Variants in RARS1 observed in about 807,000 individuals in gnomAD.
RARS1 encodes arginyl-tRNA synthetase 1.
A neutral mutation model predicts 78.7 loss-of-function variants in RARS1; 75 were observed. The ratio of observed to expected loss-of-function variants is 0.95; its 90% CI spans 0.79 to 1.15. The LOEUF (loss-of-function observed/expected upper bound fraction) is 1.15, where lower values mean the gene tolerates loss of function less well. Among genes scored for constraint, RARS1 ranks in the 50% most tolerant of loss-of-function variants. The pLI, the probability that RARS1 is intolerant of heterozygous loss-of-function variation, is 0.00. For synonymous variants in RARS1, 273 were observed against 268.2 expected, an observed-to-expected ratio of 1.02 and a Z score of -0.18; for missense variants, 787 against 787.5, an observed-to-expected ratio of 1.00 and a Z score of 0.01.
intron 7 of RARS1, among the ~76,000 whole-genome samples, chr5:168,498,557 T>G (rs1758249141): frequency 6.6e-6 from 1 of 152,222 alleles, no homozygotes; most frequent in African/African-American, 2.4e-5. Flanking sequence ...ACTGCACATT[T>G]TGTTGGATCA....
intron 13 of RARS1, among the ~76,000 whole-genome samples, chr5:168,517,458 A>G (rs1005543891): frequency 6.6e-6 from 1 of 152,106 alleles, no homozygotes; most frequent in African/African-American, 2.4e-5. Context: ...TGTTCTTTTC[A>G]GACTTATTTT....
chr5:168,496,198 G>A (rs2152904037), intron 6 of RARS1, among the ~76,000 whole-genome samples: 1 of 151,866 alleles, frequency 6.6e-6, no homozygotes, highest in East Asian at 2.0e-4. Context: ...TGGCAACATG[G>A]TGAAACCCTG....
chr5:168,507,459 G>T (rs925674494), intron 11 of RARS1, among the ~76,000 whole-genome samples: 4 of 152,014 alleles, frequency 2.6e-5, no homozygotes, highest in Non-Finnish European at 4.4e-5. Context: ...GTATTCACTG[G>T]TGTCTTAGGA....
intron 11 of RARS1, among the ~76,000 whole-genome samples, chr5:168,509,447 C>G (rs1035668608): frequency 7.4e-5 from 11 of 147,856 alleles, no homozygotes; most frequent in Admixed American, 4.0e-4. Flanking sequence ...CACCCCCCCC[C>G]CCCCACCAAA....
At chr5:168,497,453 AG>A in intron 7 of RARS1, 105 bp downstream of exon 7, 1 of 989,742 alleles carries the variant, frequency 1.0e-6, no homozygotes, top group Admixed American at 3.7e-5. Flanking sequence ...TATGGAGTTA[AG>A]TGAAAGTTGC....
intron 11 of RARS1, 49 bp downstream of exon 11, chr5:168,506,880 G>A (rs776029249): frequency 7.1e-7 from 1 of 1,411,160 alleles, no homozygotes; most frequent in East Asian, 2.3e-5. Flanking sequence ...GATCCCAAGA[G>A]GCTACTTTTC....
chr5:168,512,461 C>A (rs1758582565), intron 12 of RARS1, among the ~76,000 whole-genome samples: 1 of 152,066 alleles, frequency 6.6e-6, no homozygotes, highest in Non-Finnish European at 1.5e-5. Context: ...TTCATTGCAC[C>A]ATATGTTTAC....
rs774039093 is a variant in RARS1, at chr5:168,518,081, TTTTTTTTTTTTTTTA to T, written c.1873+20_1873+34del. 4 of 1,421,092 alleles carry T rather than the reference TTTTTTTTTTTTTTTA, an allele frequency of 2.8e-6. No homozygotes were observed. In the African/African-American group the frequency reaches 6.5e-5, roughly 23 times the overall value. The allele number at this position is 1,421,092 out of a possible 1,614,324, so 88.0% of individuals were successfully genotyped here. The stretch of plus-strand genomic sequence containing the variant: ...CAGACTGGTGAGTGTCTTTTTTTTT[TTTTTTTTTTTTTTTA>T]GTGAGAGACACGGATCTTGCTCTGT... On this transcript the variant is annotated intron_variant, in intron 14 of 14. Transcript: ENST00000231572.
intron 5 of RARS1, 188 bp from the exon 6 acceptor site, chr5:168,495,127 A>G: frequency 1.0e-6 from 1 of 971,808 alleles, no homozygotes; most frequent in South Asian, 2.2e-5. Flanking sequence ...AAAAATATAC[A>G]AGCAGATCCA....
chr5:168,503,883 C>T (rs1381549124), intron 9 of RARS1, among the ~76,000 whole-genome samples: 1 of 151,896 alleles, frequency 6.6e-6, no homozygotes, highest in East Asian at 1.9e-4. Flanking sequence ...TCAGTCTGCG[C>T]AACATAGCAG....
rs774470913 is a variant in RARS1, at chr5:168,506,084, C to T, written c.1121C>T (p.Thr374Ile). ...VFVPGCSIPLTIVKSDGGYTY... is the reference protein window; with the variant it reads ...VFVPGCSIPLIIVKSDGGYTY... ...GTCCCAGGGTGTTCCATACCATTAA[C>T]CATAGTAAAATCAGATGGAGGTTAT... Residue 374 changes from threonine to isoleucine, a missense_variant, in exon 10 of 15, where the codon ACC becomes ATC. Coordinates refer to ENST00000231572, the MANE Select transcript of RARS1 (RefSeq NM_002887.4). The T allele has an allele frequency of 1.2e-6, 2 of 1,608,008 alleles. No individual in the cohort carries two copies. The highest frequency in any genetic ancestry group is 1.3e-5 in the African/African-American group (1 of 74,588).
intron 2 of RARS1, among the ~76,000 whole-genome samples, chr5:168,489,084 C>T (rs542451793): frequency 4.6e-5 from 7 of 152,182 alleles, no homozygotes; most frequent in Admixed American, 1.3e-4. Flanking sequence ...GTGGTGGCAT[C>T]ATCACGGCTC....
intron 1 of RARS1, among the ~76,000 whole-genome samples, chr5:168,487,370 C>CAA (rs1031773184): frequency 2.1e-5 from 3 of 140,772 alleles, no homozygotes; most frequent in Middle Eastern, 3.6e-3. Context: ...CGTCCCCCTA[C>CAA]AAAAAAAAAA....
chr5:168,503,758 G>A (rs558284926), intron 9 of RARS1, among the ~76,000 whole-genome samples: 1 of 151,996 alleles, frequency 6.6e-6, no homozygotes, highest in African/African-American at 2.4e-5. Flanking sequence ...CTAGGGCCTA[G>A]GGACCATACT....
intron 2 of RARS1, among the ~76,000 whole-genome samples, chr5:168,490,489 T>C (rs764080540): frequency 6.6e-5 from 10 of 152,264 alleles, no homozygotes; most frequent in Non-Finnish European, 8.8e-5. Flanking sequence ...GCAGATTAGC[T>C]CTTATATAGC....
At chr5:168,494,805 C>T in intron 5 of RARS1, 155 bp downstream of exon 5, 1 of 572,854 alleles carries the variant, frequency 1.7e-6, no homozygotes, top group Non-Finnish European at 3.0e-6. Context: ...TGTGATCGCA[C>T]CTGTGAATAG....
chr5:168,504,082 TAAC>T (rs1758385536), intron 9 of RARS1, among the ~76,000 whole-genome samples: 1 of 131,568 alleles, frequency 7.6e-6, no homozygotes, highest in Non-Finnish European at 1.6e-5. Context: ...AAAAAAAGAA[TAAC>T]GAGAGAGAGA....
chr5:168,512,803 A>G (rs1486432730), intron 12 of RARS1, among the ~76,000 whole-genome samples: 1 of 152,184 alleles, frequency 6.6e-6, no homozygotes, highest in Non-Finnish European at 1.5e-5. Flanking sequence ...TGCCTTTCCC[A>G]GACAACTGAC....
At chr5:168,502,380 A>ATTTTTTTTTTTT (rs199969391) in intron 9 of RARS1, among the ~76,000 whole-genome samples, 5 of 98,062 alleles carry the variant, frequency 5.1e-5, no homozygotes, top group African/African-American at 2.3e-4. Flanking sequence ...ATATATATAT[A>ATTTTTTTTTTTT]TATATTTTTT....
Sources: allele counts gnomAD v4.1 joint callset (sites outside exome capture counted in the v4.1 genomes callset), GRCh38; gene constraint gnomAD v4.1.1; transcripts MANE v1.5; gene names NCBI Gene and HGNC (gene_info 2026-07-23, HGNC 2026-07-21).